The following EML3 variants were observed in gnomAD, a reference collection of about 807,000 sequenced individuals.
EML3 encodes echinoderm microtubule-associated protein-like 3.
A neutral mutation model predicts 106.7 loss-of-function variants in EML3; 53 were observed. The observed-to-expected ratio is 0.50, with a 90% CI of 0.40 to 0.62. The LOEUF (loss-of-function observed/expected upper bound fraction) is 0.62, where lower values mean the gene tolerates loss of function less well. Ranked by LOEUF, EML3 falls within the 20% of genes least tolerant of loss-of-function variation. The pLI is 0.00. For synonymous variants in EML3, 499 were observed against 489.6 expected (o/e 1.02, Z -0.25); for missense variants, 994 against 1,209.1 (o/e 0.82, Z 2.64).
chr11:62,612,397 C>A, intron 1 of EML3, 39 bp downstream of exon 1: 2 of 1,499,382 alleles, frequency 1.3e-6, no homozygotes, highest in Non-Finnish European at 1.8e-6. Context: ...GCCGGGCGCT[C>A]CGGGAAGGGG....
rs150221182 is a variant in EML3, at chr11:62,610,959, G to A, written c.486C>T (p.Pro162=). The change falls in exon 4 of 22, where the codon CCC becomes CCT. Residue 162 remains proline, a synonymous_variant. Transcript: ENST00000394773. ...AGAGCTTCTGCCGAGGCCGCTCTGA[G>A]GGGGATGAGGAGGAGGAAGAATTTC... ...PRRNSSSSSS[P]SERPRQKLSR... is the part of the protein sequence containing the mutation. 6 of 1,613,734 alleles carry A rather than the reference G, an allele frequency of 3.7e-6. No individual in the cohort carries two copies. In the African/African-American group the frequency reaches 6.7e-5, roughly 18 times the overall value.
chr11:62,605,145 C>G lies in EML3; in HGVS notation c.1950G>C (p.Gly650=). The G allele has an allele frequency of 6.2e-7, 1 of 1,613,104 alleles. No individual in the cohort carries two copies. The highest frequency in any genetic ancestry group is 8.5e-7 in the Non-Finnish European group (1 of 1,179,450). Reference sequence around the variant, plus strand: ...TGTTCAGTCCTACGGCCACAACTGCCCCACTCGGGTGGAAGTCAGCACAGA... The same window carrying G: ...TGTTCAGTCCTACGGCCACAACTGCGCCACTCGGGTGGAAGTCAGCACAGA... ...TGLCADFHPS[G]AVVAVGLNTG... Residue 650 remains glycine, a synonymous_variant, in exon 16 of 22, where the codon GGG becomes GGC. Coordinates refer to ENST00000394773, the MANE Select transcript of EML3 (RefSeq NM_153265.3). This position sits in a 1 kb window ranked among gnomAD's most constrained non-coding sequence, Gnocchi z 5.2.
Position 62,602,263 on chromosome 11 carries a change from C to G in EML3, c.*212G>C. ...TTGCCCCTCAGCAGGCAGCGGGAGTCAAGGCCTAGGCTGGGGCTGCCCGGC... is the reference window on the plus strand; with the variant it reads ...TTGCCCCTCAGCAGGCAGCGGGAGTGAAGGCCTAGGCTGGGGCTGCCCGGC... On this transcript the variant is annotated 3_prime_UTR_variant, in exon 22 of 22. Coordinates refer to ENST00000394773, the MANE Select transcript of EML3 (RefSeq NM_153265.3). 1 of 1,547,810 alleles carries G rather than the reference C, an allele frequency of 6.5e-7. No individual in the cohort carries two copies.
intron 16 of EML3, 116 bp downstream of exon 16, chr11:62,604,997 G>T: frequency 1.0e-6 from 1 of 997,808 alleles, no homozygotes; most frequent in Non-Finnish European, 1.4e-6. Context: ...ACAGAGGAGT[G>T]CCAAGGCGCA....
At chr11:62,607,976 T>C in intron 10 of EML3, 155 bp from the exon 11 acceptor site, 1 of 894,902 alleles carries the variant, frequency 1.1e-6, no homozygotes, top group Non-Finnish European at 1.7e-6. Flanking sequence ...AGAGCACTAT[T>C]TCCTGTCAAT....
Position 62,612,644 on chromosome 11 carries a change from A to G in EML3, c.-187T>C. Reference sequence around the variant, plus strand: ...GGGGGCGCTGTGGGCCCGGGGCCGCAGTCTCCAGACCCCCCCGGGCCCTCG... The same window carrying G: ...GGGGGCGCTGTGGGCCCGGGGCCGCGGTCTCCAGACCCCCCCGGGCCCTCG... On this transcript the variant is annotated 5_prime_UTR_variant, in exon 1 of 22. Coordinates refer to ENST00000394773, the MANE Select transcript of EML3 (RefSeq NM_153265.3). 2.1e-6 allele frequency: 1 copy of G among 486,750 alleles called. No individual in the cohort carries two copies. Among genetic ancestry groups the G allele is most frequent in the Non-Finnish European group, 3.3e-6 (1 of 300,288 alleles). The allele number at this position is 486,750 out of a possible 1,614,324, so 30.2% of individuals were successfully genotyped here. A position where few individuals can be genotyped will look rare whatever the true frequency, so the allele number is the denominator to read the frequency against.
chr11:62,608,826 T>C (rs201906284), intron 7 of EML3, 21 bp from the exon 8 acceptor site: 3 of 1,565,174 alleles, frequency 1.9e-6, no homozygotes, highest in Non-Finnish European at 2.6e-6. Flanking sequence ...GGGAAGACAC[T>C]CTAGGGAAAG....
chr11:62,605,875 C>T lies in EML3; in HGVS notation c.1762G>A (p.Gly588Ser). 5 of 1,614,220 alleles carry T rather than the reference C, an allele frequency of 3.1e-6. No individual in the cohort carries two copies. The highest frequency in any genetic ancestry group is 4.2e-6 in the Non-Finnish European group (5 of 1,180,040). Residue 588 changes from glycine (G) to serine (S), a missense_variant, in exon 14 of 22, where the codon GGC becomes AGC. Around this residue, in one of 3 missense-constraint regions of EML3, gnomAD observed 713 missense variants for 920.5 expected, o/e 0.77. Coordinates refer to ENST00000394773, the MANE Select transcript of EML3 (RefSeq NM_153265.3). This position sits in a 1 kb window ranked among gnomAD's most constrained non-coding sequence, Gnocchi z 5.2. Reference sequence around the variant, plus strand: ...CCAACCTGGATTACAGGGGAGAAGCCCTGGGCCAGGTCTCCCCTCAGCAAT... The same window carrying T: ...CCAACCTGGATTACAGGGGAGAAGCTCTGGGCCAGGTCTCCCCTCAGCAAT... ...NALLRGDLAQ[G>S]FSPVIQGHTD...
Position 62,605,574 on chromosome 11 carries a change from G to T in EML3, c.1914+68C>A. 5.3e-6 allele frequency: 8 copies of T among 1,498,772 alleles called. No homozygotes were observed. The highest frequency in any genetic ancestry group is 7.1e-6 in the Non-Finnish European group (8 of 1,125,186). 92.8% of individuals were successfully genotyped at this position (1,498,772 alleles called of 1,614,324 possible). On this transcript the variant is annotated intron_variant, in intron 15 of 21. Transcript: ENST00000394773. The surrounding 1 kb of genome is among the most constrained non-coding windows in gnomAD (Gnocchi z 5.2). ...TGGGAGGCAGAAGGCAAGGTGCTGG[G>T]GAAGGCGTGGTGGCCACAGGTGTCC...
chr11:62,604,083 A>G, intron 17 of EML3, 30 bp downstream of exon 17: 1 of 1,614,100 alleles, frequency 6.2e-7, no homozygotes, highest in Non-Finnish European at 8.5e-7. Flanking sequence ...CCAGGGACGC[A>G]TGTGAGTCCA....
chr11:62,609,753 G>A (rs1016831519), intron 4 of EML3, 57 bp from the exon 5 acceptor site: 41 of 1,473,024 alleles, frequency 2.8e-5, no homozygotes, highest in South Asian at 9.2e-5. Context: ...CCTAAGCGGG[G>A]AGGGGCAGGA....
intron 18 of EML3, 26 bp downstream of exon 18, chr11:62,603,918 C>T (rs766653872): frequency 6.2e-7 from 1 of 1,613,594 alleles, no homozygotes; most frequent in Non-Finnish European, 8.5e-7. Flanking sequence ...GTTATCATGC[C>T]CCACCACACA....
At chr11:62,607,325 A>C in intron 11 of EML3, 1 of 455,582 alleles carries the variant, frequency 2.2e-6, no homozygotes, top group South Asian at 4.1e-5. Flanking sequence ...TCTCAAAAAC[A>C]AAAAAAACAA....
In EML3 at chr11:62,612,686, C is replaced by T; in HGVS notation, c.-229G>A. On this transcript the variant is annotated 5_prime_UTR_variant, in exon 1 of 22. Coordinates refer to ENST00000394773, the MANE Select transcript of EML3 (RefSeq NM_153265.3). ...GGGCCCTCGGACTCTCCCGGGGCCG[C>T]TCTCGGCTCCCGGGGGTGGGGTGGC... The T allele has an allele frequency of 2.6e-6, 1 of 378,236 alleles. No homozygotes were observed. Among genetic ancestry groups the T allele is most frequent in the Non-Finnish European group, 4.6e-6 (1 of 215,332 alleles). The allele number at this position is 378,236 out of a possible 1,614,324, so 23.4% of individuals were successfully genotyped here.
chr11:62,611,642 GA>G, intron 1 of EML3, 46 bp from the exon 2 acceptor site: 1 of 1,571,594 alleles, frequency 6.4e-7, no homozygotes, highest in Non-Finnish European at 8.6e-7. Context: ...ATCACCTGAA[GA>G]AAGCGTAGAG....
chr11:62,606,193 TG>T lies in EML3; in HGVS notation c.1525del (p.Gln509ArgfsTer21). The T allele has an allele frequency of 6.2e-7, 1 of 1,613,926 alleles. No homozygotes were observed. Among genetic ancestry groups the T allele is most frequent in the Non-Finnish European group, 8.5e-7 (1 of 1,180,012 alleles). ...GATAGAACCTTCATGAGCGTGAGCC[TG>T]GGCCACAATCCCATAGGTCTCTGTT... ...GAKETYGIVAQAHAHEGSIFA... is the reference protein window; with the variant it reads ...GAKETYGIVAXAHAHEGSIFA... On this transcript the variant is annotated frameshift_variant, in exon 13 of 22. Transcript: ENST00000394773. LOFTEE classifies it high-confidence loss of function.
chr11:62,602,676 C>T lies in EML3; in HGVS notation c.2490G>A (p.Ala830=). ...LFQYPCARAK[A]PSRMYGGHGS... ...CGTGGCCCCCGTACATGCGGCTCGGCGCCTGGGCCGGAGGGAAGAGTTGCG... is the reference window on the plus strand; with the variant it reads ...CGTGGCCCCCGTACATGCGGCTCGGTGCCTGGGCCGGAGGGAAGAGTTGCG... Residue 830 remains alanine, a splice_region_variant and synonymous_variant, in exon 22 of 22, where the codon GCG becomes GCA. Transcript: ENST00000394773. 2 of 1,596,992 alleles carry T rather than the reference C, an allele frequency of 1.3e-6. No homozygotes were observed. The highest frequency in any genetic ancestry group is 1.7e-6 in the Non-Finnish European group (2 of 1,174,798).
rs1942263251 is a variant in EML3 at position 62,602,420 on chromosome 11, G to A, written c.*55C>T. On this transcript the variant is annotated 3_prime_UTR_variant, in exon 22 of 22. Transcript: ENST00000394773. ...AGTCGTGGGGGATTGGGCCAGGGAAGGGCAGGGCGGGGCGGGGCCACGCCG... is the reference window on the plus strand; with the variant it reads ...AGTCGTGGGGGATTGGGCCAGGGAAAGGCAGGGCGGGGCGGGGCCACGCCG... 5 of 1,548,178 alleles carry A rather than the reference G, an allele frequency of 3.2e-6. No homozygotes were observed. Among genetic ancestry groups the A allele is most frequent in the Non-Finnish European group, 4.4e-6 (5 of 1,145,132 alleles).
At chr11:62,606,327 T>G in intron 12 of EML3, 113 bp from the exon 13 acceptor site, 1 of 1,231,128 alleles carries the variant, frequency 8.1e-7, no homozygotes, top group African/African-American at 1.5e-5. Context: ...ATGCACTGAC[T>G]ACTATGTCTC....
Sources: gnomAD v4.1 joint callset for allele counts on GRCh38, gnomAD v4.1.1 for gene constraint, gnomAD v4.1.1 regional missense constraint, Gnocchi (gnomAD v3.1) non-coding constraint, MANE v1.5 for transcripts, NCBI Gene and HGNC (gene_info 2026-07-23, HGNC 2026-07-21) for gene names.